SLC28A3: variants seen among roughly 807,000 people sequenced by gnomAD.
SLC28A3 encodes the protein concentrative Na(+)-nucleoside cotransporter 3.
SLC28A3 carries 68 observed loss-of-function variants against 84.2 expected under a neutral mutation model. The observed-to-expected ratio is 0.81, with a 90% CI of 0.66 to 0.99. The LOEUF is 0.99. Among genes scored for constraint, SLC28A3 ranks in the 50% least tolerant of loss-of-function variants. The pLI is 0.00. For missense variants in SLC28A3, 712 were observed against 841.5 expected, an observed-to-expected ratio of 0.85 and a Z score of 1.90; for synonymous variants, 267 against 303.6, an observed-to-expected ratio of 0.88 and a Z score of 1.25.
chr9:84,347,189 G>A, the SLC28A3 span, among the ~76,000 whole-genome samples: 5 of 112,896 alleles, frequency 4.4e-5, no homozygotes, highest in African/African-American at 1.8e-4. Context: ...CTGGGCAACA[G>A]AGCAAGACTC....
At chr9:84,316,961 A>T (rs150924730) in intron 1 of SLC28A3, among the ~76,000 whole-genome samples, 123 of 152,134 alleles carry the variant, frequency 8.1e-4, no homozygotes, top group African/African-American at 2.9e-3. Context: ...AGATCGTACC[A>T]GTGCACTCCA....
intron 1 of SLC28A3, among the ~76,000 whole-genome samples, chr9:84,338,740 C>A (rs1827062458): frequency 6.6e-6 from 1 of 152,142 alleles, no homozygotes; most frequent in South Asian, 2.1e-4. Flanking sequence ...TCCATCCTTT[C>A]CATTCTCTGG....
chr9:84,307,858 A>G lies in SLC28A3; in HGVS notation c.242+1771T>C, dbSNP rs945406559. Among the ~76,000 whole-genome samples, 3 of 152,230 alleles carry G rather than the reference A, an allele frequency of 2.0e-5. No individual in the cohort carries two copies. The South Asian group carries it at 6.2e-4, about 31-fold the overall frequency. On this transcript the variant is annotated intron_variant, in intron 3 of 17. Coordinates refer to ENST00000376238, the MANE Select transcript of SLC28A3 (RefSeq NM_001199633.2). ...AAGTAGACACTTTGGTCATTTGGTT[A>G]TCTAGGCTGAATAATTCCCAACCTC...
chr9:84,277,688 CTCT>C lies in SLC28A3; in HGVS notation c.*527_*529del, dbSNP rs1367414470. On this transcript the variant is annotated 3_prime_UTR_variant, in exon 18 of 18. Transcript: ENST00000376238. ...ATGATCCACGTGTTCTCCTCAAGGA[CTCT>C]TGATTTCTGCAGGACTTCCTGAGGG... The C allele has an allele frequency of 6.5e-6, 1 of 152,676 alleles. No homozygotes were observed. Among genetic ancestry groups the C allele is most frequent in the African/African-American group, 2.4e-5 (1 of 41,456 alleles). 9.5% of individuals were successfully genotyped at this position (152,676 alleles called of 1,614,324 possible). A position where few individuals can be genotyped will look rare whatever the true frequency, so the allele number is the denominator to read the frequency against.
intron 3 of SLC28A3, 79 bp from the exon 4 acceptor site, chr9:84,305,424 G>A: frequency 8.3e-7 from 1 of 1,211,910 alleles, no homozygotes; most frequent in Non-Finnish European, 1.2e-6. Context: ...GCTAGATTAA[G>A]CTTTGTAAAC....
chr9:84,301,946 A>G (rs1274493449), intron 5 of SLC28A3, among the ~76,000 whole-genome samples: 2 of 152,174 alleles, frequency 1.3e-5, no homozygotes, highest in Non-Finnish European at 2.9e-5. Context: ...TTTGGACAAC[A>G]TTTTATCATT....
At chr9:84,291,191 C>T (rs905779455) in intron 10 of SLC28A3, among the ~76,000 whole-genome samples, 2 of 152,188 alleles carry the variant, frequency 1.3e-5, no homozygotes, top group Admixed American at 1.3e-4. Context: ...CCTCTTACCC[C>T]ACAGGTAGGA....
intron 12 of SLC28A3, among the ~76,000 whole-genome samples, chr9:84,287,007 C>T (rs1413750928): frequency 3.3e-5 from 5 of 152,056 alleles, no homozygotes; most frequent in Non-Finnish European, 7.4e-5. Flanking sequence ...AGTTTGAGAC[C>T]AGTCTGGACA....
At position 84,318,888 on chromosome 9, in the gene SLC28A3, A is replaced by C. The variant is rs865951173; in HGVS notation, c.61-5434T>G. 3.3e-5 allele frequency among the ~76,000 whole-genome samples: 5 copies of C among 152,220 alleles called. No homozygotes were observed. In the South Asian group the frequency reaches 1.0e-3, roughly 32 times the overall value. On this transcript the variant is annotated intron_variant, in intron 1 of 17. Transcript: ENST00000376238. ...CTGTCTCAGAAAAAAAAAAAAGAAA[A>C]AGGAATATGGTTTCCATGAGCTTTC...
chr9:84,295,499 T>A (rs1057340773), intron 8 of SLC28A3, among the ~76,000 whole-genome samples: 1 of 152,120 alleles, frequency 6.6e-6, no homozygotes, highest in South Asian at 2.1e-4. Context: ...GCAGGAGGAT[T>A]GCTTGAACCT....
intron 1 of SLC28A3, among the ~76,000 whole-genome samples, chr9:84,323,264 G>A (rs772186766): frequency 1.3e-5 from 2 of 152,198 alleles, no homozygotes; most frequent in Non-Finnish European, 2.9e-5. Flanking sequence ...GCAAGTATAT[G>A]ATGTGGAGTA....
intron 1 of SLC28A3, among the ~76,000 whole-genome samples, chr9:84,331,157 T>C (rs765230847): frequency 2.6e-4 from 40 of 152,318 alleles, no homozygotes; most frequent in Middle Eastern, 3.4e-3. Flanking sequence ...GGTGTGATCA[T>C]GCAAACTTGA....
At position 84,340,657 on chromosome 9, in the gene SLC28A3, C is replaced by T. The variant is rs779791644; in HGVS notation, c.-24G>A. 6 of 1,613,978 alleles carry T rather than the reference C, an allele frequency of 3.7e-6. No homozygotes were observed. In the East Asian group the frequency reaches 1.3e-4, roughly 36 times the overall value. On this transcript the variant is annotated 5_prime_UTR_variant, in exon 1 of 18. Transcript: ENST00000376238. ...ATGCTCTTTTTGCTGCTGGCTGGCTCTGGTCTGGAGGTCCTTTGTACCTGG... is the reference window on the plus strand; with the variant it reads ...ATGCTCTTTTTGCTGCTGGCTGGCTTTGGTCTGGAGGTCCTTTGTACCTGG...
chr9:84,302,563 T>C (rs960293646), intron 4 of SLC28A3, among the ~76,000 whole-genome samples, 174 bp from the exon 5 acceptor site: 2 of 152,180 alleles, frequency 1.3e-5, no homozygotes, highest in Non-Finnish European at 2.9e-5. Flanking sequence ...TTTGATATTT[T>C]TCAAAGCAAG....
In SLC28A3 at chr9:84,290,218, G is replaced by A; in HGVS notation, c.1085C>T (p.Ala362Val). 1 of 1,614,122 alleles carries A rather than the reference G, an allele frequency of 6.2e-7. No individual in the cohort carries two copies. The highest frequency in any genetic ancestry group is 2.2e-5 in the East Asian group (1 of 44,876). ...GGTAGAGAACCCGGCGGTCATGATG[G>A]CGTGGAGTTCAGACTTGGTGATGTA... ...LPYITKSELH[A>V]IMTAGFSTIA... The change falls in exon 11 of 18, where the codon GCC becomes GTC. Residue 362 changes from alanine to valine, a missense_variant. Coordinates refer to ENST00000376238, the MANE Select transcript of SLC28A3 (RefSeq NM_001199633.2).
the SLC28A3 span, among the ~76,000 whole-genome samples, chr9:84,349,655 GA>G: frequency 6.6e-6 from 1 of 152,308 alleles, no homozygotes. Context: ...CCAGTTTTTT[GA>G]AAACCTTGAG....
At chr9:84,314,282 G>A (rs10868143) in intron 1 of SLC28A3, among the ~76,000 whole-genome samples, 1 of 152,028 alleles carries the variant, frequency 6.6e-6, no homozygotes, top group South Asian at 2.1e-4. Context: ...TTATAGGGCC[G>A]TCCGGACCCC....
the SLC28A3 span, among the ~76,000 whole-genome samples, chr9:84,353,845 T>C: frequency 6.6e-6 from 1 of 152,270 alleles, no homozygotes; most frequent in African/African-American, 2.4e-5. Flanking sequence ...CTGTTAATTT[T>C]AGTTTTACTT....
chr9:84,299,714 C>CT lies in SLC28A3; in HGVS notation c.535dup (p.Ser179LysfsTer14), dbSNP rs1825552532. On this transcript the variant is annotated frameshift_variant, in exon 6 of 18. Coordinates refer to ENST00000376238, the MANE Select transcript of SLC28A3 (RefSeq NM_001199633.2). LOFTEE classifies it high-confidence loss of function. ...GAAAATAACTGCTAGGACCAGGGAG[C>CT]TCCAGATCACCCTAAGAGAAGGGGA... The CT allele has an allele frequency of 6.3e-7, 1 of 1,598,294 alleles. No individual in the cohort carries two copies. Among genetic ancestry groups the CT allele is most frequent in the Non-Finnish European group, 8.5e-7 (1 of 1,175,714 alleles).
Sources: gnomAD v4.1 joint callset for allele counts (sites outside exome capture counted in the v4.1 genomes callset) on GRCh38, gnomAD v4.1.1 for gene constraint, MANE v1.5 for transcripts, NCBI Gene and HGNC (gene_info 2026-07-23, HGNC 2026-07-21) for gene names.